MPDZ: variants seen among roughly 807,000 people sequenced by gnomAD.
The protein encoded by MPDZ is multiple PDZ domain protein.
Under a neutral mutation model 239.1 loss-of-function variants are expected in MPDZ, and 234 were observed. That is an observed-to-expected ratio of 0.98 (90% confidence interval 0.88 to 1.09). The LOEUF is 1.09. MPDZ is among the 50% of genes least tolerant of loss of function. MPDZ has a pLI of 0.00. For synonymous variants in MPDZ, 1,048 were observed against 881.3 expected, an observed-to-expected ratio of 1.19 and a Z score of -3.35; for missense variants, 3,175 against 2,510.0, an observed-to-expected ratio of 1.26 and a Z score of -5.66.
rs938053587 is a variant in MPDZ, at chr9:13,259,717, A to G, written c.-57-9345T>C. 5.9e-5 allele frequency among the ~76,000 whole-genome samples: 9 copies of G among 152,166 alleles called. No homozygotes were observed. In the South Asian group the frequency reaches 1.0e-3, roughly 18 times the overall value. The stretch of plus-strand genomic sequence containing the variant: ...TTCTGAGCACTGCATGTAGTTTCTT[A>G]TATAGTAACCTGGATTGGGGCTGAG... On this transcript the variant is annotated intron_variant, in intron 1 of 46. Coordinates refer to ENST00000319217, the MANE Select transcript of MPDZ (RefSeq NM_001378778.1).
intron 10 of MPDZ, among the ~76,000 whole-genome samples, chr9:13,210,985 C>A (rs1359645398): frequency 6.6e-6 from 1 of 151,960 alleles, no homozygotes; most frequent in Non-Finnish European, 1.5e-5. Context: ...ACTTTTACAC[C>A]ATAAAAGCCA....
Position 13,250,359 on chromosome 9 carries a change from A to G in MPDZ, c.-44T>C, listed in dbSNP as rs1469580987. 1 of 1,542,246 alleles carries G rather than the reference A, an allele frequency of 6.5e-7. No homozygotes were observed. Among genetic ancestry groups the G allele is most frequent in the Non-Finnish European group, 8.8e-7 (1 of 1,133,372 alleles). ...TTCTTCTCTGAAATGATTAACAGCA[A>G]TTAAAATGGAACTCTGTGCAAAAAA... On this transcript the variant is annotated 5_prime_UTR_variant, in exon 2 of 47. Coordinates refer to ENST00000319217, the MANE Select transcript of MPDZ (RefSeq NM_001378778.1).
chr9:13,239,263 T>C (rs148676656), intron 3 of MPDZ, among the ~76,000 whole-genome samples: 2 of 152,160 alleles, frequency 1.3e-5, no homozygotes, highest in African/African-American at 4.8e-5. Flanking sequence ...TTCACTATGC[T>C]GTGTAAGAAG....
At chr9:13,137,323 C>A (rs1946974424) in intron 29 of MPDZ, among the ~76,000 whole-genome samples, 1 of 152,138 alleles carries the variant, frequency 6.6e-6, no homozygotes, top group African/African-American at 2.4e-5. Context: ...CTGGCTCAGT[C>A]ATTTGGTCAT....
intron 3 of MPDZ, among the ~76,000 whole-genome samples, chr9:13,240,580 TAAAAA>T (rs71331533): frequency 2.3e-5 from 1 of 44,012 alleles, no homozygotes; most frequent in Non-Finnish European, 3.6e-5. Flanking sequence ...ATAATAAAAG[TAAAAA>T]AAAAAAAAAA....
rs750065732 is a variant in MPDZ at position 13,122,117 on chromosome 9, T to C, written c.5007A>G (p.Gly1669=). 8 of 1,614,064 alleles carry C rather than the reference T, an allele frequency of 5.0e-6. No individual in the cohort carries two copies. The East Asian group carries it at 1.8e-4, about 36-fold the overall frequency. Reference sequence around the variant, plus strand: ...AGATCTGATCTCCAGCCCAGAGTCTTCCATCTTTACATGCTGCTCCTTCTT... The same window carrying C: ...AGATCTGATCTCCAGCCCAGAGTCTCCCATCTTTACATGCTGCTCCTTCTT... The part of the protein sequence containing the change: ...VYEEGAACKD[G]RLWAGDQILE... The change falls in exon 37 of 47, where the codon GGA becomes GGG. Residue 1669 remains glycine (G), a synonymous_variant. Transcript: ENST00000319217.
chr9:13,137,304 C>G (rs905683601), intron 29 of MPDZ, among the ~76,000 whole-genome samples: 1 of 152,206 alleles, frequency 6.6e-6, no homozygotes, highest in Non-Finnish European at 1.5e-5. Flanking sequence ...CAGTGCCTAA[C>G]GCAAATGACT....
At chr9:13,242,563 A>G (rs1965678660) in intron 3 of MPDZ, among the ~76,000 whole-genome samples, 1 of 148,684 alleles carries the variant, frequency 6.7e-6, no homozygotes, top group Non-Finnish European at 1.5e-5. Flanking sequence ...TGCTAAAATA[A>G]TGTACATACT....
chr9:13,173,947 T>C (rs764145761), intron 21 of MPDZ, among the ~76,000 whole-genome samples: 1 of 152,154 alleles, frequency 6.6e-6, no homozygotes, highest in Non-Finnish European at 1.5e-5. Flanking sequence ...CATCCAGCAG[T>C]TGTCTCCCAT....
At chr9:13,252,082 C>A (rs950837727) in intron 1 of MPDZ, among the ~76,000 whole-genome samples, 1 of 152,084 alleles carries the variant, frequency 6.6e-6, no homozygotes, top group African/African-American at 2.4e-5. Flanking sequence ...AATGTCCAGT[C>A]AGTATATTCC....
intron 3 of MPDZ, among the ~76,000 whole-genome samples, chr9:13,233,495 A>G (rs1395272749): frequency 6.6e-6 from 1 of 152,204 alleles, no homozygotes; most frequent in East Asian, 1.9e-4. Flanking sequence ...AGTGATTCCT[A>G]AAGGGGAGGA....
At chr9:13,142,240 A>C (rs1947813001) in intron 27 of MPDZ, among the ~76,000 whole-genome samples, 1 of 152,138 alleles carries the variant, frequency 6.6e-6, no homozygotes, top group East Asian at 1.9e-4. Context: ...ACAAACAAAC[A>C]AACAAACAAA....
At chr9:13,168,594 T>C (rs747481289) in intron 21 of MPDZ, 30 bp from the exon 22 acceptor site, 2 of 1,393,908 alleles carry the variant, frequency 1.4e-6, no homozygotes, top group Non-Finnish European at 1.9e-6. Flanking sequence ...CAAATATAAT[T>C]AAATACATGA....
rs1371435717 is a variant in MPDZ at position 13,112,046 on chromosome 9, G to C, written c.5702C>G (p.Ala1901Gly). ...FIAMMHPTGV[A>G]AQTQKLRVGD... ...CACTCTGAGTTTTTGGGTCTGTGCT[G>C]CAACTCCAGTTGGGTGCATCATTGC... The change falls in exon 43 of 47, where the codon GCA (alanine) becomes GGA (glycine). Residue 1901 changes from alanine (A) to glycine (G), a missense_variant. By Grantham distance (60) the Ala-to-Gly change is moderately conservative (BLOSUM62 0). Coordinates refer to ENST00000319217, the MANE Select transcript of MPDZ (RefSeq NM_001378778.1). 2 of 1,613,432 alleles carry C rather than the reference G, an allele frequency of 1.2e-6. No individual in the cohort carries two copies. The highest frequency in any genetic ancestry group is 1.7e-6 in the Non-Finnish European group (2 of 1,179,624).
At chr9:13,126,119 C>A (rs997546287) in intron 34 of MPDZ, among the ~76,000 whole-genome samples, 1 of 152,012 alleles carries the variant, frequency 6.6e-6, no homozygotes, top group Admixed American at 6.6e-5. Context: ...TATGTTTAAC[C>A]CTAATAAAAA....
At chr9:13,182,362 A>T (rs1360394428) in intron 19 of MPDZ, among the ~76,000 whole-genome samples, 1 of 152,098 alleles carries the variant, frequency 6.6e-6, no homozygotes, top group Non-Finnish European at 1.5e-5. Flanking sequence ...TATTTTCATC[A>T]ATCTCTCTTT....
At chr9:13,128,548 C>G (rs1945450810) in intron 32 of MPDZ, among the ~76,000 whole-genome samples, 1 of 152,170 alleles carries the variant, frequency 6.6e-6, no homozygotes, top group African/African-American at 2.4e-5. Flanking sequence ...ATTCCTAACC[C>G]ATAGAAACTG....
chr9:13,276,543 G>C (rs931031014), intron 1 of MPDZ: 2 of 152,126 alleles, frequency 1.3e-5, no homozygotes, highest in African/African-American at 4.8e-5. Context: ...ACATACAACT[G>C]TTTTGGACAT....
chr9:13,214,758 T>C lies in MPDZ; in HGVS notation c.1290+2016A>G, dbSNP rs189646182. ...CTCAAAACAAAAACATGTACAGTAA[T>C]TCATTTACATTGTATGGTAAAATGG... is the stretch of plus-strand genomic sequence containing the variant. On this transcript the variant is annotated intron_variant, in intron 10 of 46. Coordinates refer to ENST00000319217, the MANE Select transcript of MPDZ (RefSeq NM_001378778.1). Among the ~76,000 whole-genome samples, 226 of 152,166 alleles carry C rather than the reference T, an allele frequency of 1.5e-3. 1 individual carries two copies. The highest frequency in any genetic ancestry group is 5.2e-3 in the African/African-American group (215 of 41,556).
Sources: gnomAD v4.1 joint callset for allele counts (sites outside exome capture counted in the v4.1 genomes callset) on GRCh38, gnomAD v4.1.1 for gene constraint, MANE v1.5 for transcripts, NCBI Gene and HGNC (gene_info 2026-07-23, HGNC 2026-07-21) for gene names.